The following MATN3 variants were observed in gnomAD, a reference collection of about 807,000 sequenced individuals.
MATN3 encodes matrilin-3.
A neutral mutation model predicts 45.3 loss-of-function variants in MATN3; 48 were observed. The observed-to-expected ratio is 1.06, with a 90% CI of 0.84 to 1.35. The LOEUF (loss-of-function observed/expected upper bound fraction) is 1.35, where lower values mean the gene tolerates loss of function less well. MATN3 is among the 40% of genes most tolerant of loss of function. The pLI is 0.00. For synonymous variants in MATN3, 217 were observed against 245.9 expected (o/e 0.88, Z 1.10); for missense variants, 599 against 628.0 (o/e 0.95, Z 0.49).
rs1049812705 is a variant in MATN3 at position 19,992,142 on chromosome 2, A to G, written c.*969T>C. The G allele has an allele frequency of 6.6e-5, 10 of 152,334 alleles. No individual in the cohort carries two copies. In the East Asian group the frequency reaches 1.2e-3, roughly 18 times the overall value. 9.4% of individuals were successfully genotyped at this position (152,334 alleles called of 1,614,324 possible). A position where few individuals can be genotyped will look rare whatever the true frequency, so the allele number is the denominator to read the frequency against. ...TAAAGGTAATAACTTTTATTATATT[A>G]AAGACAATGCAAACGAAAAACAGAA... On this transcript the variant is annotated 3_prime_UTR_variant, in exon 8 of 8. Coordinates refer to ENST00000407540, the MANE Select transcript of MATN3 (RefSeq NM_002381.5).
At chr2:20,007,024 C>T (rs550202893) in intron 1 of MATN3, among the ~76,000 whole-genome samples, 9 of 152,170 alleles carry the variant, frequency 5.9e-5, no homozygotes, top group Admixed American at 1.3e-4. Context: ...AAGACCATCA[C>T]GGTGAAACCC....
chr2:20,001,415 C>T (rs1672981381), intron 4 of MATN3, among the ~76,000 whole-genome samples: 2 of 152,280 alleles, frequency 1.3e-5, no homozygotes, highest in South Asian at 4.1e-4. Flanking sequence ...CTGAGAAGTA[C>T]TGGAAAACTA....
At chr2:19,998,981 A>G (rs143661888) in intron 5 of MATN3, among the ~76,000 whole-genome samples, 1 of 152,178 alleles carries the variant, frequency 6.6e-6, no homozygotes, top group Non-Finnish European at 1.5e-5. Flanking sequence ...TTTCCTCCTA[A>G]CGTTGCTGTG....
intron 1 of MATN3, among the ~76,000 whole-genome samples, chr2:20,007,093 A>G (rs540506184): frequency 3.6e-4 from 55 of 152,214 alleles, no homozygotes; most frequent in Non-Finnish European, 6.8e-4. Context: ...CTGTATTCCC[A>G]GCTACTCGGG....
chr2:19,997,163 G>A lies in MATN3; in HGVS notation c.1265C>T (p.Thr422Ile). 2 of 1,613,884 alleles carry A rather than the reference G, an allele frequency of 1.2e-6. No homozygotes were observed. The highest frequency in any genetic ancestry group is 8.5e-7 in the Non-Finnish European group (1 of 1,179,830). Residue 422 changes from threonine to isoleucine, a missense_variant, in exon 6 of 8, where the codon ACC becomes ATC. Thr to Ile is a moderately conservative substitution (Grantham distance 89). Coordinates refer to ENST00000407540, the MANE Select transcript of MATN3 (RefSeq NM_002381.5). ...SYHCDCYPGY[T>I]LNEDKKTCSA... ...ACATGTTTTCTTGTCCTCATTTAAG[G>A]TGTAGCCAGGATAGCAATCACAGTG...
intron 6 of MATN3, among the ~76,000 whole-genome samples, 189 bp downstream of exon 6, chr2:19,996,945 G>A (rs1294125337): frequency 3.9e-5 from 6 of 152,178 alleles, no homozygotes. Flanking sequence ...AGAGAAGACA[G>A]AAACAGATCA....
intron 4 of MATN3, among the ~76,000 whole-genome samples, chr2:20,001,080 CTA>C: frequency 6.6e-6 from 1 of 152,308 alleles, no homozygotes; most frequent in East Asian, 1.9e-4. Context: ...TATTTTTAAA[CTA>C]TTTTTTACTT....
chr2:20,010,064 T>TCCAAAAAAAAAAAAAAAAA lies in MATN3; in HGVS notation c.223+2344_223+2345insTTTTTTTTTTTTTTTTTGG, dbSNP rs1247085339. On this transcript the variant is annotated intron_variant, in intron 1 of 7. Transcript: ENST00000407540. ...TTGTCTCAGAATAAATCTCTTCAAATACTAAAAAAAAAAAAAAAAAAAAAA... is the reference window on the plus strand; with the variant it reads ...TTGTCTCAGAATAAATCTCTTCAAATCCAAAAAAAAAAAAAAAAAACTAAAAAAAAAAAAAAAAAAAAAA... Among the ~76,000 whole-genome samples, 20 of 10,770 alleles carry TCCAAAAAAAAAAAAAAAAA rather than the reference T, an allele frequency of 1.9e-3. 1 individual carries two copies. Among genetic ancestry groups the TCCAAAAAAAAAAAAAAAAA allele is most frequent in the South Asian group, 4.9e-3 (1 of 204 alleles). The allele number at this position is 10,770 out of a possible 152,430, so 7.1% of individuals were successfully genotyped here.
chr2:20,005,255 G>C (rs1446738994), intron 2 of MATN3, among the ~76,000 whole-genome samples: 1 of 152,148 alleles, frequency 6.6e-6, no homozygotes, highest in East Asian at 1.9e-4. Flanking sequence ...CGGTGACATT[G>C]GAATAGAGGC....
chr2:20,000,662 GA>G (rs1672968293), intron 4 of MATN3, 96 bp from the exon 5 acceptor site: 1 of 1,251,746 alleles, frequency 8.0e-7, no homozygotes, highest in East Asian at 2.7e-5. Flanking sequence ...AACATATGAG[GA>G]AAACTTACTG....
At chr2:20,004,681 T>A (rs1254835547) in intron 2 of MATN3, among the ~76,000 whole-genome samples, 1 of 152,224 alleles carries the variant, frequency 6.6e-6, no homozygotes, top group African/African-American at 2.4e-5. Context: ...TTGTAATTAA[T>A]TATTGGTTCA....
chr2:19,994,342 G>A lies in MATN3; in HGVS notation c.1362C>T (p.Phe454=), dbSNP rs1672819846. ...DACGCEATLA[F]QDKVSSYLQR... ...GAAGATACGAGCTGACCTTGTCCTG[G>A]AATGCCAGTGTAGCTTCACATCCAC... The change falls in exon 7 of 8, where the codon TTC becomes TTT. Residue 454 remains phenylalanine (F), a synonymous_variant. Transcript: ENST00000407540. 1.2e-6 allele frequency: 2 copies of A among 1,613,602 alleles called. No homozygotes were observed. Among genetic ancestry groups the A allele is most frequent in the Non-Finnish European group, 1.7e-6 (2 of 1,179,698 alleles).
chr2:19,995,417 C>T lies in MATN3; in HGVS notation c.1295-1008G>A, dbSNP rs1428782358. 1.3e-5 allele frequency among the ~76,000 whole-genome samples: 2 copies of T among 152,144 alleles called. No homozygotes were observed. Among genetic ancestry groups the T allele is most frequent in the South Asian group, 2.1e-4 (1 of 4,832 alleles). On this transcript the variant is annotated intron_variant, in intron 6 of 7. Coordinates refer to ENST00000407540, the MANE Select transcript of MATN3 (RefSeq NM_002381.5). The surrounding 1 kb of genome is among the most constrained non-coding windows in gnomAD (Gnocchi z 4.2). ...GCAGTGAGCTGAGATCGCACCACTG[C>T]ACTCCAGCCTGGGTGACAGATTGAA...
At chr2:20,001,847 A>G (rs532024109) in intron 4 of MATN3, 108 bp downstream of exon 4, 1 of 1,072,238 alleles carries the variant, frequency 9.3e-7, no homozygotes, top group African/African-American at 1.6e-5. Context: ...TCAAGGTGGC[A>G]AGAGAGGAAA....
At chr2:19,999,755 G>T (rs1672949553) in intron 5 of MATN3, among the ~76,000 whole-genome samples, 1 of 151,852 alleles carries the variant, frequency 6.6e-6, no homozygotes, top group African/African-American at 2.4e-5. Context: ...CATTCAATAT[G>T]CCAAAGCTAA....
intron 7 of MATN3, 59 bp from the exon 8 acceptor site, chr2:19,993,225 C>T: frequency 8.5e-7 from 1 of 1,174,752 alleles, no homozygotes; most frequent in Non-Finnish European, 1.3e-6. Flanking sequence ...TATAAACACA[C>T]TTTCAAACAC....
Position 20,012,628 on chromosome 2 carries a change from G to A in MATN3, c.4C>T (p.Pro2Ser). 4.1e-6 allele frequency: 5 copies of A among 1,210,860 alleles called. No individual in the cohort carries two copies. Among genetic ancestry groups the A allele is most frequent in the Non-Finnish European group, 5.1e-6 (5 of 973,274 alleles). 75.0% of individuals were successfully genotyped at this position (1,210,860 alleles called of 1,614,324 possible). A position where few individuals can be genotyped will look rare whatever the true frequency, so the allele number is the denominator to read the frequency against. M[P>S]RPAPARRLPG... is the part of the protein sequence containing the mutation. ...AGGCGGCGCGCGGGGGCCGGGCGCGGCATGGTGGGCTCCGTGGGCCTGGTG... is the reference window on the plus strand; with the variant it reads ...AGGCGGCGCGCGGGGGCCGGGCGCGACATGGTGGGCTCCGTGGGCCTGGTG... Residue 2 changes from proline to serine, a missense_variant, in exon 1 of 8, where the codon CCG (proline) becomes TCG (serine). Pro to Ser is a moderately conservative substitution (Grantham distance 74). Transcript: ENST00000407540. The surrounding 1 kb of genome is among the most constrained non-coding windows in gnomAD (Gnocchi z 4.3).
intron 7 of MATN3, 56 bp from the exon 8 acceptor site, chr2:19,993,222 A>G: frequency 8.6e-7 from 1 of 1,159,664 alleles, no homozygotes; most frequent in Non-Finnish European, 1.3e-6. Flanking sequence ...AAATATAAAC[A>G]CACTTTCAAA....
At position 19,995,587 on chromosome 2, in the gene MATN3, G is replaced by A. The variant is rs959067561; in HGVS notation, c.1295-1178C>T. ...AAATACTTTGGAACTGAAAATTCAC[G>A]TTTGTATTGACATTTAACCAAATAT... On this transcript the variant is annotated intron_variant, in intron 6 of 7. Coordinates refer to ENST00000407540, the MANE Select transcript of MATN3 (RefSeq NM_002381.5). The surrounding 1 kb of genome is among the most constrained non-coding windows in gnomAD (Gnocchi z 4.2). 9.2e-5 allele frequency among the ~76,000 whole-genome samples: 14 copies of A among 152,272 alleles called. No individual in the cohort carries two copies. The highest frequency in any genetic ancestry group is 5.9e-4 in the Admixed American group (9 of 15,290).
Sources: gnomAD v4.1 joint callset for allele counts (sites outside exome capture counted in the v4.1 genomes callset) on GRCh38, gnomAD v4.1.1 for gene constraint, Gnocchi (gnomAD v3.1) non-coding constraint, MANE v1.5 for transcripts, NCBI Gene and HGNC (gene_info 2026-07-23, HGNC 2026-07-21) for gene names.